Variants in PDE2A observed in about 807,000 individuals in gnomAD.
PDE2A encodes phosphodiesterase 2A.
A neutral mutation model predicts 133.6 loss-of-function variants in PDE2A; 53 were observed. The observed-to-expected ratio is 0.40, with a 90% CI of 0.32 to 0.50. PDE2A has a LOEUF of 0.50. PDE2A is among the 20% of genes least tolerant of loss of function. PDE2A has a pLI of 0.73. For synonymous variants in PDE2A, 491 were observed against 490.2 expected (o/e 1.00, Z -0.02); for missense variants, 796 against 1,232.4 (o/e 0.65, Z 5.30).
intron 2 of PDE2A, among the ~76,000 whole-genome samples, chr11:72,619,941 G>A (rs1857670576): frequency 6.6e-6 from 1 of 152,138 alleles, no homozygotes; most frequent in Admixed American, 6.5e-5. Flanking sequence ...CCTTGCCTAA[G>A]CTGACTCCCA....
intron 16 of PDE2A, 58 bp from the exon 17 acceptor site, chr11:72,585,002 C>T: frequency 2.6e-6 from 4 of 1,536,160 alleles, no homozygotes; most frequent in South Asian, 1.1e-5. Flanking sequence ...ATCGCCCTCA[C>T]GTCCCATAAG....
intron 25 of PDE2A, 22 bp from the exon 26 acceptor site, chr11:72,579,630 G>C (rs752394714): frequency 6.4e-7 from 1 of 1,567,130 alleles, no homozygotes; most frequent in African/African-American, 1.4e-5. Context: ...GGAGTGATGG[G>C]GGCCCAGCTG....
At chr11:72,621,518 GAC>G (rs1857768546) in intron 2 of PDE2A, among the ~76,000 whole-genome samples, 1 of 152,222 alleles carries the variant, frequency 6.6e-6, no homozygotes, top group Admixed American at 6.5e-5. Context: ...CCTGCTCGGT[GAC>G]ACACAGTCAT....
At chr11:72,658,676 C>CT (rs895629501) in intron 1 of PDE2A, among the ~76,000 whole-genome samples, 1 of 151,940 alleles carries the variant, frequency 6.6e-6, no homozygotes, top group Admixed American at 6.5e-5. Flanking sequence ...GGAAAATGAA[C>CT]TTTTTTTTGG....
At position 72,576,397 on chromosome 11, in the gene PDE2A, T is replaced by C. The variant is rs938422139; in HGVS notation, c.*987A>G. 2.6e-5 allele frequency: 4 copies of C among 152,080 alleles called. No homozygotes were observed. The highest frequency in any genetic ancestry group is 7.3e-5 in the African/African-American group (3 of 41,334). The allele number at this position is 152,080 out of a possible 1,614,324, so 9.4% of individuals were successfully genotyped here. A position where few individuals can be genotyped will look rare whatever the true frequency, so the allele number is the denominator to read the frequency against. ...CCCCAGGGCACAGGTGGATATGGCC[T>C]TGAAGAGAGAGCCCTGCCAGGGCTG... On this transcript the variant is annotated 3_prime_UTR_variant, in exon 31 of 31. Coordinates refer to ENST00000334456, the MANE Select transcript of PDE2A (RefSeq NM_002599.5).
rs904376039 is a variant in PDE2A, at chr11:72,659,717, G to A, written c.71+14420C>T. Among the ~76,000 whole-genome samples the A allele has an allele frequency of 5.9e-5, 9 of 152,082 alleles. No individual in the cohort carries two copies. In the East Asian group the frequency reaches 9.6e-4, roughly 16 times the overall value. On this transcript the variant is annotated intron_variant, in intron 1 of 30. Coordinates refer to ENST00000334456, the MANE Select transcript of PDE2A (RefSeq NM_002599.5). ...GAGTGGACCATCTTGGCCAGCCCCT[G>A]CTACAGTCTGGACAATATATAGCCA...
At chr11:72,610,002 G>T (rs544497572) in intron 2 of PDE2A, among the ~76,000 whole-genome samples, 1 of 152,172 alleles carries the variant, frequency 6.6e-6, no homozygotes, top group African/African-American at 2.4e-5. Context: ...TTATAGTCTA[G>T]TTAGACCATC....
intron 2 of PDE2A, chr11:72,615,142 C>T (rs75937114): frequency 0.031 from 14,972 of 488,440 alleles, 384 homozygotes; most frequent in Non-Finnish European, 0.046. Flanking sequence ...TGAGCCAGTC[C>T]CAGTGCCTCC....
chr11:72,580,749 A>C, intron 24 of PDE2A, 125 bp from the exon 25 acceptor site: 1 of 980,272 alleles, frequency 1.0e-6, no homozygotes, highest in Non-Finnish European at 1.6e-6. Context: ...GCCAGGGGCA[A>C]ACCCTGGGGG....
chr11:72,661,295 ACT>A (rs1855047447), intron 1 of PDE2A, among the ~76,000 whole-genome samples: 1 of 152,122 alleles, frequency 6.6e-6, no homozygotes, highest in African/African-American at 2.4e-5. Flanking sequence ...ACAGAGCAAG[ACT>A]CTGTCTCAAT....
At chr11:72,650,086 A>C (rs562047363) in intron 1 of PDE2A, among the ~76,000 whole-genome samples, 1 of 150,364 alleles carries the variant, frequency 6.7e-6, no homozygotes, top group African/African-American at 2.5e-5. Context: ...CAGTGGTACA[A>C]TCTCGACTCA....
At chr11:72,654,034 G>C (rs982984232) in intron 1 of PDE2A, among the ~76,000 whole-genome samples, 9 of 152,230 alleles carry the variant, frequency 5.9e-5, no homozygotes, top group African/African-American at 1.9e-4. Context: ...GTGCAGAGAG[G>C]CACATTTGTC....
intron 20 of PDE2A, 82 bp downstream of exon 20, chr11:72,583,356 T>C (rs1334391951): frequency 5.2e-6 from 5 of 966,296 alleles, no homozygotes; most frequent in East Asian, 2.4e-5. Context: ...TCATCCTCAG[T>C]AGAGATTGAT....
chr11:72,581,628 C>T lies in PDE2A; in HGVS notation c.1923-149G>A, dbSNP rs1322394698. The T allele has an allele frequency of 6.1e-6, 6 of 984,898 alleles. No individual in the cohort carries two copies. The African/African-American group carries it at 9.8e-5, about 16-fold the overall frequency. 61.0% of individuals were successfully genotyped at this position (984,898 alleles called of 1,614,324 possible). ...TGTCTTAGCAGGAAGTTCCTATGCA[C>T]ATCTAACTTAAACCTCTGGCTACAC... On this transcript the variant is annotated intron_variant, in intron 22 of 30. Coordinates refer to ENST00000334456, the MANE Select transcript of PDE2A (RefSeq NM_002599.5).
chr11:72,640,032 C>T (rs573588420), intron 2 of PDE2A, among the ~76,000 whole-genome samples: 4 of 152,110 alleles, frequency 2.6e-5, no homozygotes, highest in East Asian at 1.9e-4. Flanking sequence ...ACACACACAC[C>T]GCCAGCTCAC....
intron 1 of PDE2A, among the ~76,000 whole-genome samples, chr11:72,651,075 C>T (rs574017910): frequency 1.3e-5 from 2 of 152,294 alleles, no homozygotes; most frequent in South Asian, 4.1e-4. Context: ...CTTCAAGGCT[C>T]CAAGAACTCC....
intron 2 of PDE2A, among the ~76,000 whole-genome samples, chr11:72,613,143 C>T (rs1857293687): frequency 6.6e-6 from 1 of 152,142 alleles, no homozygotes. Context: ...TATGCCTTTC[C>T]CCATCTCCAC....
chr11:72,671,148 C>A (rs1855375099), intron 1 of PDE2A, among the ~76,000 whole-genome samples: 1 of 152,142 alleles, frequency 6.6e-6, no homozygotes, highest in African/African-American at 2.4e-5. Context: ...GCTGTGGGCC[C>A]CCCACCTCCT....
chr11:72,579,503 T>G, intron 26 of PDE2A, 31 bp downstream of exon 26: 7 of 1,527,048 alleles, frequency 4.6e-6, no homozygotes, highest in Middle Eastern at 1.8e-4. Flanking sequence ...CAGCTCCCCC[T>G]CAATCCCCAC....
Sources: allele counts gnomAD v4.1 joint callset (sites outside exome capture counted in the v4.1 genomes callset), GRCh38; gene constraint gnomAD v4.1.1; transcripts MANE v1.5; gene names NCBI Gene and HGNC (gene_info 2026-07-23, HGNC 2026-07-21).